Variants in SLCO1C1 observed in about 807,000 individuals in gnomAD.
The protein encoded by SLCO1C1 is OAT-RP-5.
A neutral mutation model predicts 76.4 loss-of-function variants in SLCO1C1; 70 were observed. That is an observed-to-expected ratio of 0.92 (90% CI 0.76 to 1.12). The LOEUF is 1.12. SLCO1C1 is among the 50% of genes most tolerant of loss of function. SLCO1C1 has a pLI of 0.00. For missense variants in SLCO1C1, 912 were observed against 823.8 expected (o/e 1.11, Z -1.31); for synonymous variants, 306 against 286.1 (o/e 1.07, Z -0.70).
intron 10 of SLCO1C1, among the ~76,000 whole-genome samples, chr12:20,734,765 A>G (rs1289050371): frequency 2.0e-5 from 3 of 152,216 alleles, no homozygotes; most frequent in Non-Finnish European, 4.4e-5. Context: ...AAAAGGTAAC[A>G]TTTTCATTGA....
At chr12:20,748,827 T>C (rs1250068978) in intron 13 of SLCO1C1, among the ~76,000 whole-genome samples, 2 of 152,240 alleles carry the variant, frequency 1.3e-5, no homozygotes, top group African/African-American at 4.8e-5. Flanking sequence ...GTGATTTGCA[T>C]GATGCTTAGT....
intron 3 of SLCO1C1, among the ~76,000 whole-genome samples, chr12:20,702,522 C>A (rs930982939): frequency 6.6e-6 from 1 of 151,834 alleles, no homozygotes; most frequent in Non-Finnish European, 1.5e-5. Flanking sequence ...GGATAAAATT[C>A]TGCATTTCTA....
In SLCO1C1 at chr12:20,701,427, T is replaced by C. The variant is rs1312072638; in HGVS notation, c.239T>C (p.Leu80Pro). The C allele has an allele frequency of 1.2e-5, 19 of 1,539,080 alleles. No individual in the cohort carries two copies. The highest frequency in any genetic ancestry group is 3.5e-4 in the Middle Eastern group (2 of 5,782). ...AGAAGGTTTGATATCCCTTCTTCAC[T>C]GGTGGGAGTTATTGATGGTAGTTTT... is the stretch of plus-strand genomic sequence containing the variant. ...IERRFDIPSSLVGVIDGSFEI... is the reference protein window; with the variant it reads ...IERRFDIPSSPVGVIDGSFEI... The change falls in exon 3 of 15, where the codon CTG (leucine) becomes CCG (proline). Residue 80 changes from leucine (L) to proline (P), a missense_variant. Transcript: ENST00000266509.
intron 2 of SLCO1C1, 39 bp downstream of exon 2, chr12:20,699,744 G>T: frequency 6.4e-7 from 1 of 1,571,208 alleles, no homozygotes. Flanking sequence ...GATGCTCTTA[G>T]TTTTCTGTCC....
chr12:20,748,987 T>C (rs71446716), intron 13 of SLCO1C1, among the ~76,000 whole-genome samples: 13,545 of 152,290 alleles, frequency 0.089, 774 homozygotes, highest in Non-Finnish European at 0.13. Flanking sequence ...TTCGAGATTA[T>C]GTCACCATTC....
At chr12:20,711,261 G>C (rs946387685) in intron 4 of SLCO1C1, 125 bp from the exon 5 acceptor site, 12 of 1,078,810 alleles carry the variant, frequency 1.1e-5, no homozygotes, top group Admixed American at 2.7e-5. Flanking sequence ...GCTTGATTTG[G>C]TGAATTAGGT....
chr12:20,737,381 C>CCT, intron 11 of SLCO1C1, 109 bp downstream of exon 11: 5 of 1,137,238 alleles, frequency 4.4e-6, no homozygotes, highest in Non-Finnish European at 1.2e-6. Flanking sequence ...TTGCCTCTTA[C>CCT]CTCTGCCTGG....
intron 14 of SLCO1C1, 33 bp downstream of exon 14, chr12:20,750,825 G>A: frequency 6.2e-7 from 1 of 1,613,872 alleles, no homozygotes; most frequent in Non-Finnish European, 8.5e-7. Flanking sequence ...GCATCTCATT[G>A]CTACAGCATC....
intron 9 of SLCO1C1, among the ~76,000 whole-genome samples, chr12:20,724,256 A>C (rs963018220): frequency 6.6e-5 from 10 of 151,614 alleles, no homozygotes; most frequent in African/African-American, 2.2e-4. Flanking sequence ...TATTGATTTT[A>C]ACATGAATAG....
At chr12:20,721,083 C>T (rs141364027) in intron 7 of SLCO1C1, among the ~76,000 whole-genome samples, 1 of 150,600 alleles carries the variant, frequency 6.6e-6, no homozygotes, top group African/African-American at 2.4e-5. Flanking sequence ...TGAGATGGAA[C>T]CTACTCCTGA....
At chr12:20,697,005 T>C (rs1946298589) in intron 1 of SLCO1C1, 1 of 152,108 alleles carries the variant, frequency 6.6e-6, no homozygotes, top group Admixed American at 6.6e-5. Context: ...TTTTGAATTT[T>C]AGTTACAGTG....
intron 9 of SLCO1C1, among the ~76,000 whole-genome samples, chr12:20,724,825 T>G (rs994036225): frequency 2.0e-5 from 3 of 146,568 alleles, no homozygotes; most frequent in Non-Finnish European, 4.5e-5. Context: ...CTAATAGTTA[T>G]TTATAATACT....
rs1214799152 is a variant in SLCO1C1 at position 20,709,749 on chromosome 12, C to T, written c.405-1637C>T. Among the ~76,000 whole-genome samples, 2 of 57,664 alleles carry T rather than the reference C, an allele frequency of 3.5e-5. 1 individual carries two copies. The highest frequency in any genetic ancestry group is 2.7e-4 in the Admixed American group (2 of 7,372). 37.8% of individuals were successfully genotyped at this position (57,664 alleles called of 152,430 possible). On this transcript the variant is annotated intron_variant, in intron 4 of 14. Coordinates refer to ENST00000266509, the MANE Select transcript of SLCO1C1 (RefSeq NM_017435.5). ...ACAAAAAATTAGCCGGGCGCGGTGG[C>T]GGGCGCCTGTAGTCCCAGCTACTCG...
intron 9 of SLCO1C1, among the ~76,000 whole-genome samples, chr12:20,729,938 A>C (rs1381021179): frequency 6.6e-6 from 1 of 152,150 alleles, no homozygotes; most frequent in African/African-American, 2.4e-5. Context: ...CTGATTTTTA[A>C]CAATTTATAC....
intron 9 of SLCO1C1, among the ~76,000 whole-genome samples, chr12:20,724,491 CCAGAACATA>C (rs1947861979): frequency 7.5e-6 from 1 of 132,496 alleles, no homozygotes; most frequent in Admixed American, 8.2e-5. Context: ...CATCCAGCAT[CCAGAACATA>C]CAGAATATTT....
At chr12:20,696,056 G>A (rs1363524429) in intron 1 of SLCO1C1, among the ~76,000 whole-genome samples, 1 of 152,020 alleles carries the variant, frequency 6.6e-6, no homozygotes, top group Non-Finnish European at 1.5e-5. Context: ...TCACTTAATT[G>A]CTTTGGGCCA....
intron 5 of SLCO1C1, among the ~76,000 whole-genome samples, chr12:20,714,688 CAAT>C (rs1236709707): frequency 6.6e-6 from 1 of 152,048 alleles, no homozygotes; most frequent in Non-Finnish European, 1.5e-5. Flanking sequence ...ACTGGGTCAA[CAAT>C]AAGATTACTT....
intron 2 of SLCO1C1, among the ~76,000 whole-genome samples, chr12:20,700,565 A>G (rs1946473682): frequency 6.6e-6 from 1 of 151,862 alleles, no homozygotes; most frequent in Non-Finnish European, 1.5e-5. Context: ...CGTCATTTAC[A>G]TTAGGTATAT....
At chr12:20,732,865 T>C (rs766147049) in intron 9 of SLCO1C1, 44 bp from the exon 10 acceptor site, 64 of 1,601,252 alleles carry the variant, frequency 4.0e-5, no homozygotes, top group Non-Finnish European at 5.4e-5. Context: ...CACTCAAATC[T>C]TTTTTAGAGA....
Sources: gnomAD v4.1 joint callset for allele counts (sites outside exome capture counted in the v4.1 genomes callset) on GRCh38, gnomAD v4.1.1 for gene constraint, MANE v1.5 for transcripts, NCBI Gene and HGNC (gene_info 2026-07-23, HGNC 2026-07-21) for gene names.